The following GRSF1 variants were observed in gnomAD, a reference collection of about 807,000 sequenced individuals.
GRSF1 encodes G-rich sequence factor 1.
GRSF1 carries 50 observed loss-of-function variants against 51.1 expected under a neutral mutation model. That is an observed-to-expected ratio of 0.98 (90% confidence interval 0.78 to 1.24). GRSF1 has a LOEUF of 1.24. GRSF1 is among the 50% of genes most tolerant of loss of function. GRSF1 has a pLI of 0.00. For synonymous variants in GRSF1, 293 were observed against 253.3 expected (o/e 1.16, Z -1.49); for missense variants, 700 against 639.7 (o/e 1.09, Z -1.02).
chr4:70,833,072 A>G (rs544319647), intron 3 of GRSF1, 46 bp downstream of exon 3: 143 of 1,558,760 alleles, frequency 9.2e-5, no homozygotes, highest in Non-Finnish European at 1.2e-4. Flanking sequence ...AAAAGTATAA[A>G]ACCTAATGCA....
chr4:70,823,201 G>C (rs1288780635), intron 9 of GRSF1, among the ~76,000 whole-genome samples: 1 of 152,086 alleles, frequency 6.6e-6, no homozygotes, highest in Non-Finnish European at 1.5e-5. Flanking sequence ...TTCAAGACCA[G>C]CCATGACCAA....
chr4:70,828,360 G>C (rs1485571160), intron 5 of GRSF1, among the ~76,000 whole-genome samples: 3 of 152,024 alleles, frequency 2.0e-5, no homozygotes, highest in South Asian at 2.1e-4. Context: ...ATCTCATAAG[G>C]GTTTTTTAAA....
intron 1 of GRSF1, 170 bp downstream of exon 1, chr4:70,839,301 T>C: frequency 1.3e-6 from 2 of 1,499,798 alleles, no homozygotes; most frequent in Non-Finnish European, 1.8e-6. Context: ...GAGCTTCCCT[T>C]GTTCCAGGGC....
intron 6 of GRSF1, 26 bp from the exon 7 acceptor site, chr4:70,826,271 T>C (rs766856981): frequency 1.3e-6 from 2 of 1,578,128 alleles, no homozygotes; most frequent in Non-Finnish European, 1.7e-6. Flanking sequence ...GAAAGCACTG[T>C]TAAAACATAA....
At chr4:70,830,534 T>G (rs1042820855) in intron 5 of GRSF1, among the ~76,000 whole-genome samples, 1 of 151,590 alleles carries the variant, frequency 6.6e-6, no homozygotes, top group Non-Finnish European at 1.5e-5. Flanking sequence ...GATTCTGTAT[T>G]TTTGTCCGGT....
rs1056959882 is a variant in GRSF1, at chr4:70,839,458, G to C, written c.357+13C>G. 1.4e-6 allele frequency: 2 copies of C among 1,465,132 alleles called. No individual in the cohort carries two copies. Among genetic ancestry groups the C allele is most frequent in the Non-Finnish European group, 1.8e-6 (2 of 1,116,054 alleles). 90.8% of individuals were successfully genotyped at this position (1,465,132 alleles called of 1,614,324 possible). On this transcript the variant is annotated intron_variant, in intron 1 of 9. Transcript: ENST00000254799. ...AGGGATCTCGCGCCAGGTCCCTCAC[G>C]GCGCCCACGTACCTGGCTGTAGCTG...
chr4:70,825,978 G>T, intron 7 of GRSF1, 146 bp downstream of exon 7: 1 of 671,436 alleles, frequency 1.5e-6, no homozygotes, highest in South Asian at 1.9e-5. Flanking sequence ...AGAAAAAGAA[G>T]CAAGCTTTGC....
upstream of GRSF1, chr4:70,840,049 CAT>C (rs2148849958): frequency 2.2e-6 from 1 of 463,252 alleles, no homozygotes; most frequent in African/African-American, 2.1e-5. Context: ...CGGGGCTGCC[CAT>C]GGTTTGGGCG....
At chr4:70,823,650 A>G (rs1262830592) in intron 9 of GRSF1, among the ~76,000 whole-genome samples, 1 of 151,848 alleles carries the variant, frequency 6.6e-6, no homozygotes, top group Admixed American at 6.6e-5. Flanking sequence ...CAGCAGGATC[A>G]CTTAAGGCCA....
chr4:70,834,593 T>A (rs1734117819), intron 2 of GRSF1, among the ~76,000 whole-genome samples: 1 of 152,170 alleles, frequency 6.6e-6, no homozygotes, highest in Non-Finnish European at 1.5e-5. Context: ...ATAATTTAGT[T>A]ACCCAGGTAG....
intron 5 of GRSF1, 28 bp from the exon 6 acceptor site, chr4:70,828,064 C>T: frequency 6.6e-7 from 1 of 1,526,338 alleles, no homozygotes; most frequent in Non-Finnish European, 9.1e-7. Flanking sequence ...TAAACAGGCA[C>T]AAATGGTGCA....
intron 2 of GRSF1, among the ~76,000 whole-genome samples, chr4:70,835,454 G>C (rs1734164047): frequency 6.9e-6 from 1 of 145,352 alleles, no homozygotes; most frequent in African/African-American, 2.5e-5. Flanking sequence ...TACATAGTAT[G>C]ATGGATTTTT....
intron 8 of GRSF1, 23 bp from the exon 9 acceptor site, chr4:70,824,391 G>C (rs1226283678): frequency 1.6e-6 from 2 of 1,237,280 alleles, no homozygotes; most frequent in South Asian, 2.6e-5. Flanking sequence ...AGAAAGATTA[G>C]TTTTAAAAAG....
chr4:70,826,322 T>G (rs1441273988), intron 6 of GRSF1, 77 bp from the exon 7 acceptor site: 1 of 1,228,222 alleles, frequency 8.1e-7, no homozygotes, highest in Admixed American at 2.7e-5. Context: ...TAGGTATGAC[T>G]TTTATGTCCA....
rs1172115503 is a variant in GRSF1 at position 70,818,542 on chromosome 4, AC to A, written c.*2344del. On this transcript the variant is annotated 3_prime_UTR_variant, in exon 10 of 10. Transcript: ENST00000254799. ...TTCCCACATGACAGAAGCTTAAGTTACCCACGCATAAAGGGACACATACTCT... is the reference window on the plus strand; with the variant it reads ...TTCCCACATGACAGAAGCTTAAGTTACCACGCATAAAGGGACACATACTCT... 6.6e-6 allele frequency: 1 copy of A among 152,192 alleles called. No homozygotes were observed. The highest frequency in any genetic ancestry group is 1.5e-5 in the Non-Finnish European group (1 of 68,040). The allele number at this position is 152,192 out of a possible 1,614,324, so 9.4% of individuals were successfully genotyped here. A position where few individuals can be genotyped will look rare whatever the true frequency, so the allele number is the denominator to read the frequency against.
upstream of GRSF1, chr4:70,840,005 C>T (rs1309031043): frequency 1.8e-6 from 1 of 551,202 alleles, no homozygotes; most frequent in Non-Finnish European, 3.1e-6. Flanking sequence ...TCCGCCCAGT[C>T]TCCGCCCTTG....
In GRSF1 at chr4:70,835,292, A is replaced by C. The variant is rs897528425; in HGVS notation, c.514+866T>G. On this transcript the variant is annotated intron_variant, in intron 2 of 9. Transcript: ENST00000254799. ...CCCCAGCTCTACTAAAAATACAAAA[A>C]ATTAACTGGGTGTGGTGGCAGTCGC... 3.6e-4 allele frequency among the ~76,000 whole-genome samples: 55 copies of C among 151,022 alleles called. 1 individual carries two copies. Among genetic ancestry groups the C allele is most frequent in the Admixed American group, 1.3e-4 (2 of 15,200 alleles).
chr4:70,839,411 G>A, intron 1 of GRSF1, 60 bp downstream of exon 1: 1 of 1,508,160 alleles, frequency 6.6e-7, no homozygotes, highest in Non-Finnish European at 8.8e-7. Context: ...AGGGGCGCGG[G>A]GGCGCGTGCA....
chr4:70,828,125 T>C, intron 5 of GRSF1, 89 bp from the exon 6 acceptor site: 1 of 904,264 alleles, frequency 1.1e-6, no homozygotes, highest in Non-Finnish European at 1.7e-6. Flanking sequence ...ACATTATATT[T>C]CCAACAGCTT....
Sources: allele counts gnomAD v4.1 joint callset (sites outside exome capture counted in the v4.1 genomes callset), GRCh38; gene constraint gnomAD v4.1.1; transcripts MANE v1.5; gene names NCBI Gene and HGNC (gene_info 2026-07-23, HGNC 2026-07-21).